The following PALM2AKAP2 variants were observed in gnomAD, a reference collection of about 807,000 sequenced individuals.
PALM2AKAP2 encodes the protein PALM2-AKAP2 fusion protein.
Under a neutral mutation model 71.5 loss-of-function variants are expected in PALM2AKAP2, and 37 were observed. The observed-to-expected ratio is 0.52, with a 90% CI of 0.40 to 0.68. The LOEUF (loss-of-function observed/expected upper bound fraction) is 0.68. Among genes scored for constraint, PALM2AKAP2 ranks in the 30% least tolerant of loss-of-function variants. PALM2AKAP2 has a pLI of 0.00. For synonymous variants in PALM2AKAP2, 468 were observed against 478.8 expected, an observed-to-expected ratio of 0.98 and a Z score of 0.29; for missense variants, 1,224 against 1,191.8, an observed-to-expected ratio of 1.03 and a Z score of -0.40.
At chr9:110,169,258 G>C (rs1353052905) in exon 4 of PALM2AKAP2, 1 of 152,602 alleles carries the variant, frequency 6.6e-6, no homozygotes, top group African/African-American at 2.4e-5. Flanking sequence ...CAGTTTATGA[G>C]AACACATTTT....
chr9:110,137,630 T>C (rs1447007264), exon 2 of PALM2AKAP2: 2 of 1,614,060 alleles, frequency 1.2e-6, no homozygotes, highest in Non-Finnish European at 8.5e-7. Context: ...TGTCAATGTC[T>C]CCTTGACCCA....
rs1022631337 is a variant in PALM2AKAP2 at position 109,940,415 on chromosome 9, A to G, written c.496+8387A>G. ...AGGCAGTTGACCTTGGCGTTAATCA[A>G]TGGGCCATATTTGGATATGTAGAAA... On this transcript the variant is annotated intron_variant, in intron 6 of 9. Coordinates refer to the PALM2AKAP2 transcript ENST00000302798. 8.5e-5 allele frequency among the ~76,000 whole-genome samples: 13 copies of G among 152,324 alleles called. No homozygotes were observed. The East Asian group carries it at 1.3e-3, about 16-fold the overall frequency.
At chr9:110,156,251 A>G (rs10759392) in intron 2 of PALM2AKAP2, 68 bp from the exon 9 acceptor site, 984,414 of 1,466,180 alleles carry the variant, frequency 0.67, 332,910 homozygotes, top group East Asian at 0.96. Flanking sequence ...TTTATTTGCC[A>G]GTTTTCTTTC....
rs149214003 is a variant in PALM2AKAP2 at position 110,075,424 on chromosome 9, A to G, written c.156+26569A>G. ...CTAATATTTCATTTTTCCTAATTAT[A>G]AAAATAATGCATGCTTATTATAGAA... is the stretch of plus-strand genomic sequence containing the variant. On this transcript the variant is annotated intron_variant, in intron 1 of 3. Transcript: ENST00000374525. 7.9e-3 allele frequency among the ~76,000 whole-genome samples: 1,206 copies of G among 152,324 alleles called. 4 individuals carry two copies. Among genetic ancestry groups the G allele is most frequent in the Non-Finnish European group, 0.012 (811 of 68,024 alleles).
intron 1 of PALM2AKAP2, among the ~76,000 whole-genome samples, chr9:109,756,897 G>C (rs1256982855): frequency 1.3e-5 from 2 of 152,042 alleles, no homozygotes; most frequent in African/African-American, 4.8e-5. Flanking sequence ...TACATGTATA[G>C]AAAACCTAAT....
At chr9:110,033,967 A>G (rs1421417304) in intron 7 of PALM2AKAP2, among the ~76,000 whole-genome samples, 1 of 152,190 alleles carries the variant, frequency 6.6e-6, no homozygotes, top group African/African-American at 2.4e-5. Flanking sequence ...TATTTTAAAG[A>G]CTAGGAATCT....
intron 1 of PALM2AKAP2, among the ~76,000 whole-genome samples, chr9:110,122,529 G>C (rs983618810): frequency 6.6e-6 from 1 of 152,228 alleles, no homozygotes; most frequent in African/African-American, 2.4e-5. Flanking sequence ...CCTCTGCAGA[G>C]TGCATGATAA....
chr9:110,038,402 GT>G (rs201762588), intron 7 of PALM2AKAP2, among the ~76,000 whole-genome samples: 2,367 of 152,232 alleles, frequency 0.016, 52 homozygotes, highest in African/African-American at 0.055. Flanking sequence ...TCAAGAAACA[GT>G]TGTGAAAGCC....
chr9:110,069,630 C>A (rs1296081722), intron 1 of PALM2AKAP2, among the ~76,000 whole-genome samples: 1 of 152,120 alleles, frequency 6.6e-6, no homozygotes, highest in Non-Finnish European at 1.5e-5. Context: ...ATGACGTGTG[C>A]ATTTGCTTAT....
At chr9:110,084,260 C>T (rs1834510346) in intron 1 of PALM2AKAP2, among the ~76,000 whole-genome samples, 1 of 152,130 alleles carries the variant, frequency 6.6e-6, no homozygotes, top group Non-Finnish European at 1.5e-5. Context: ...CACCATGTGG[C>T]TTAGCTGAAA....
At chr9:110,136,621 A>C in exon 2 of PALM2AKAP2, 17 of 1,614,112 alleles carry the variant, frequency 1.1e-5, no homozygotes, top group Non-Finnish European at 1.3e-5. Flanking sequence ...TGGCAGAGGC[A>C]GAAAGAACAA....
At chr9:109,701,786 C>G (rs1237274093) in intron 1 of PALM2AKAP2, among the ~76,000 whole-genome samples, 1 of 152,168 alleles carries the variant, frequency 6.6e-6, no homozygotes, top group Non-Finnish European at 1.5e-5. Flanking sequence ...GCAAAAGAAA[C>G]TACCATCAGA....
At chr9:109,808,916 C>T (rs1027336539) in intron 1 of PALM2AKAP2, among the ~76,000 whole-genome samples, 1 of 152,230 alleles carries the variant, frequency 6.6e-6, no homozygotes, top group Non-Finnish European at 1.5e-5. Flanking sequence ...GGGTGCAAGC[C>T]CCAAGCCTTG....
chr9:110,129,010 C>T (rs971104446), intron 1 of PALM2AKAP2, among the ~76,000 whole-genome samples: 13 of 152,292 alleles, frequency 8.5e-5, no homozygotes, highest in Non-Finnish European at 1.5e-5. Context: ...GAGTTGCAGC[C>T]TTTTCCCACA....
intron 1 of PALM2AKAP2, among the ~76,000 whole-genome samples, chr9:110,058,199 T>A (rs546901714): frequency 6.6e-6 from 1 of 152,308 alleles, no homozygotes; most frequent in East Asian, 1.9e-4. Context: ...AGGAAGTAGA[T>A]CTTAAAGGAG....
At chr9:109,673,428 G>T (rs181315392) in intron 1 of PALM2AKAP2, among the ~76,000 whole-genome samples, 4 of 151,962 alleles carry the variant, frequency 2.6e-5, no homozygotes, top group Admixed American at 6.6e-5. Flanking sequence ...TAAATTTCTT[G>T]GTTTTGATTT....
intron 1 of PALM2AKAP2, among the ~76,000 whole-genome samples, chr9:109,665,765 C>T (rs1827472810): frequency 1.3e-5 from 2 of 152,372 alleles, no homozygotes; most frequent in Admixed American, 6.5e-5. Flanking sequence ...AAGTTGTCTG[C>T]TGCCTTTTGT....
intron 1 of PALM2AKAP2, among the ~76,000 whole-genome samples, chr9:109,733,583 G>A (rs1828586773): frequency 6.6e-6 from 1 of 152,100 alleles, no homozygotes; most frequent in South Asian, 2.1e-4. Flanking sequence ...CCATCTCCTT[G>A]TTTATGGAAT....
At chr9:109,830,392 G>A (rs10759375) in intron 1 of PALM2AKAP2, among the ~76,000 whole-genome samples, 24,026 of 152,084 alleles carry the variant, frequency 0.16, 2,492 homozygotes, top group East Asian at 0.34. Flanking sequence ...GGCGGGAGAG[G>A]TTCTGGTCCG....
Sources: allele counts gnomAD v4.1 joint callset (sites outside exome capture counted in the v4.1 genomes callset), GRCh38; gene constraint gnomAD v4.1.1; transcripts MANE v1.5; gene names NCBI Gene and HGNC (gene_info 2026-07-23, HGNC 2026-07-21).